SRBD1: variants seen among roughly 807,000 people sequenced by gnomAD.
SRBD1 encodes the protein S1 RNA binding domain 1.
In SRBD1, 88 loss-of-function variants were observed where a neutral mutation model predicts 115.3. The observed-to-expected ratio is 0.76, with a 90% confidence interval of 0.64 to 0.91. The LOEUF is 0.91. SRBD1 is among the 40% of genes least tolerant of loss of function. The probability of loss-of-function intolerance (pLI) is 0.00; values close to 1 mark genes in which losing one functional copy is unlikely to be tolerated. For missense variants in SRBD1, 1,385 were observed against 1,177.4 expected (o/e 1.18, Z -2.58); for synonymous variants, 509 against 407.7 (o/e 1.25, Z -2.99).
chr2:45,581,829 G>C lies in SRBD1; in HGVS notation c.816-19C>G, dbSNP rs772902720. ...AACAGCCCTGAAAAGAGAAACTTTT[G>C]TAATATACCAAAACTGTATGTCAAA... is the stretch of plus-strand genomic sequence containing the variant. On this transcript the variant is annotated intron_variant, in intron 5 of 20. Transcript: ENST00000263736. 4 of 1,562,848 alleles carry C rather than the reference G, an allele frequency of 2.6e-6. No individual in the cohort carries two copies. Among genetic ancestry groups the C allele is most frequent in the East Asian group, 4.5e-5 (2 of 44,566 alleles).
At chr2:45,534,499 AT>A in intron 14 of SRBD1, among the ~76,000 whole-genome samples, 1 of 152,104 alleles carries the variant, frequency 6.6e-6, no homozygotes, top group Admixed American at 6.6e-5. Flanking sequence ...AGAAATTTAA[AT>A]AACACAGCAC....
At chr2:45,510,862 G>A (rs1025800962) in intron 14 of SRBD1, among the ~76,000 whole-genome samples, 1 of 152,150 alleles carries the variant, frequency 6.6e-6, no homozygotes, top group Admixed American at 6.5e-5. Context: ...TAGGTTAAGT[G>A]CTACTGATAG....
chr2:45,605,359 T>C lies in SRBD1; in HGVS notation c.80+3A>G. ...TACCCACATATTAAACCAGTATGCT[T>C]ACAACTCAGAGAATGAAGAAAATTC... On this transcript the variant is annotated splice_donor_region_variant and intron_variant, in intron 2 of 20. Transcript: ENST00000263736. The C allele has an allele frequency of 1.2e-6, 2 of 1,612,574 alleles. No individual in the cohort carries two copies. The highest frequency in any genetic ancestry group is 1.1e-5 in the South Asian group (1 of 90,974).
intron 19 of SRBD1, among the ~76,000 whole-genome samples, chr2:45,411,012 A>T (rs1048638251): frequency 6.6e-6 from 1 of 152,202 alleles, no homozygotes; most frequent in African/African-American, 2.4e-5. Context: ...TGAGTTCTGC[A>T]AACTGGCAAA....
chr2:45,552,474 C>G (rs531504730), intron 11 of SRBD1, among the ~76,000 whole-genome samples: 80 of 152,282 alleles, frequency 5.3e-4, no homozygotes, highest in African/African-American at 1.8e-3. Flanking sequence ...AATTATTCCA[C>G]ATGCAGTGAA....
At chr2:45,393,241 C>A in intron 19 of SRBD1, 112 bp from the exon 20 acceptor site, 3 of 1,095,984 alleles carry the variant, frequency 2.7e-6, no homozygotes, top group Non-Finnish European at 3.7e-6. Flanking sequence ...GTCAATCAAT[C>A]AGTCTTTATT....
At chr2:45,491,175 G>C (rs1572697497) in intron 14 of SRBD1, among the ~76,000 whole-genome samples, 2 of 152,070 alleles carry the variant, frequency 1.3e-5, no homozygotes, top group East Asian at 3.9e-4. Flanking sequence ...CTTGCCAAAA[G>C]TACACTAAAT....
intron 14 of SRBD1, among the ~76,000 whole-genome samples, chr2:45,545,283 T>TAAAAAAAAAAAAAAAAAAA (rs56909656): frequency 1.2e-4 from 8 of 68,568 alleles, no homozygotes; most frequent in African/African-American, 2.7e-4. Context: ...CTGTCTCAAT[T>TAAAAAAAAAAAAAAAAAAA]AAAAAAAAAA....
At chr2:45,558,466 A>G (rs918014968) in intron 10 of SRBD1, among the ~76,000 whole-genome samples, 1 of 152,160 alleles carries the variant, frequency 6.6e-6, no homozygotes, top group South Asian at 2.1e-4. Flanking sequence ...CTAGTAACAT[A>G]CAATTCCAAA....
chr2:45,413,261 C>G lies in SRBD1; in HGVS notation c.2366G>C (p.Gly789Ala), dbSNP rs576126689. 8 of 1,613,744 alleles carry G rather than the reference C, an allele frequency of 5.0e-6. No individual in the cohort carries two copies. The African/African-American group carries it at 1.1e-4, about 22-fold the overall frequency. ...QQTETSGQIQ[G>A]VAVTSSADVE... ...GTCTGCTGAAGATGTCACAGCAACT[C>G]CTTGAATTTGGCCTGAAGTTTCAGT... The change falls in exon 19 of 21, where the codon GGA (glycine) becomes GCA (alanine). Residue 789 changes from glycine (G) to alanine (A), a missense_variant. Transcript: ENST00000263736.
chr2:45,604,191 A>G (rs1279673599), intron 2 of SRBD1, among the ~76,000 whole-genome samples: 3 of 152,092 alleles, frequency 2.0e-5, no homozygotes, highest in Non-Finnish European at 2.9e-5. Context: ...CTCCACCAAG[A>G]AACCAGAATA....
intron 4 of SRBD1, among the ~76,000 whole-genome samples, chr2:45,593,393 C>T (rs987647056): frequency 6.6e-6 from 1 of 152,120 alleles, no homozygotes; most frequent in Admixed American, 6.5e-5. Flanking sequence ...AAGGGCACAA[C>T]CAAGTGGAAG....
In SRBD1 at chr2:45,599,613, C is replaced by T. The variant is rs201335662; in HGVS notation, c.484G>A (p.Gly162Arg). ...SETPSTSTVWGGTCKKEENDD... is the reference protein window; with the variant it reads ...SETPSTSTVWRGTCKKEENDD... ...TTCTCTTCCTTCTTGCATGTACCTCCCCACACAGTGCTTGTGGATGGTGTC... is the reference window on the plus strand; with the variant it reads ...TTCTCTTCCTTCTTGCATGTACCTCTCCACACAGTGCTTGTGGATGGTGTC... The change falls in exon 4 of 21, where the codon GGA (glycine) becomes AGA (arginine). Residue 162 changes from glycine (G) to arginine (R), a missense_variant. Gly to Arg is a moderately radical substitution (Grantham distance 125, BLOSUM62 -2). Coordinates refer to ENST00000263736, the MANE Select transcript of SRBD1 (RefSeq NM_018079.5). 8.4e-5 allele frequency: 136 copies of T among 1,614,164 alleles called. No homozygotes were observed. Among genetic ancestry groups the T allele is most frequent in the Non-Finnish European group, 1.1e-4 (126 of 1,180,032 alleles).
intron 16 of SRBD1, among the ~76,000 whole-genome samples, chr2:45,444,981 T>C (rs1025530310): frequency 1.3e-5 from 2 of 152,284 alleles, no homozygotes; most frequent in East Asian, 1.9e-4. Context: ...CAAAATAACA[T>C]TGTCAAATTT....
At chr2:45,497,528 A>C (rs1670495740) in intron 14 of SRBD1, among the ~76,000 whole-genome samples, 1 of 152,122 alleles carries the variant, frequency 6.6e-6, no homozygotes, top group African/African-American at 2.4e-5. Context: ...CCACACCCCC[A>C]CAGTTTCTAC....
intron 14 of SRBD1, among the ~76,000 whole-genome samples, chr2:45,533,894 T>C (rs1671686434): frequency 6.6e-6 from 1 of 152,046 alleles, no homozygotes; most frequent in Non-Finnish European, 1.5e-5. Flanking sequence ...TCAAGAATCT[T>C]TATTGGATCT....
intron 16 of SRBD1, among the ~76,000 whole-genome samples, chr2:45,475,836 C>A (rs959803853): frequency 1.3e-5 from 2 of 152,174 alleles, no homozygotes; most frequent in African/African-American, 4.8e-5. Context: ...GTAGTTGGGA[C>A]TACAGGTGCG....
intron 1 of SRBD1, among the ~76,000 whole-genome samples, chr2:45,605,803 C>G (rs1674250600): frequency 6.6e-6 from 1 of 151,012 alleles, no homozygotes; most frequent in Non-Finnish European, 1.5e-5. Context: ...ACTGGGGAGG[C>G]TGAGGCAGAA....
chr2:45,429,868 A>C (rs1311459591), intron 16 of SRBD1, among the ~76,000 whole-genome samples: 2 of 152,234 alleles, frequency 1.3e-5, no homozygotes, highest in African/African-American at 2.4e-5. Flanking sequence ...TTTGCAGATG[A>C]CATGACTGTA....
Sources: gnomAD v4.1 joint callset for allele counts (sites outside exome capture counted in the v4.1 genomes callset) on GRCh38, gnomAD v4.1.1 for gene constraint, MANE v1.5 for transcripts, NCBI Gene and HGNC (gene_info 2026-07-23, HGNC 2026-07-21) for gene names.